Variants in PM20D1 observed in about 807,000 individuals in gnomAD.
The protein encoded by PM20D1 is N-fatty-acyl-amino acid synthase/hydrolase PM20D1.
A neutral mutation model predicts 53.8 loss-of-function variants in PM20D1; 53 were observed. The observed-to-expected ratio is 0.98, with a 90% CI of 0.79 to 1.24. The LOEUF (loss-of-function observed/expected upper bound fraction) is 1.24, where lower values mean the gene tolerates loss of function less well. Ranked by LOEUF, PM20D1 falls within the 50% of genes most tolerant of loss-of-function variation. The pLI, the probability that PM20D1 is intolerant of heterozygous loss-of-function variation, is 0.00. For synonymous variants in PM20D1, 239 were observed against 241.3 expected (o/e 0.99, Z 0.09); for missense variants, 564 against 616.8 (o/e 0.91, Z 0.91).
At chr1:205,846,704 A>C (rs1430946159) in intron 2 of PM20D1, among the ~76,000 whole-genome samples, 2 of 152,206 alleles carry the variant, frequency 1.3e-5, no homozygotes, top group Non-Finnish European at 2.9e-5. Context: ...TTCTGCGTGC[A>C]GGTGTAGATG....
rs551536284 is a variant in PM20D1, at chr1:205,848,609, C to T, written c.170-638G>A. The stretch of plus-strand genomic sequence containing the variant: ...TCCTGAACCTTCACTGGGCTCATCC[C>T]TTTGAGTCTTTAAGACTTTACAGTT... On this transcript the variant is annotated intron_variant, in intron 1 of 12. Transcript: ENST00000367136. Among the ~76,000 whole-genome samples the T allele has an allele frequency of 2.9e-3, 442 of 152,280 alleles. 7 individuals are homozygous for T. Among genetic ancestry groups the T allele is most frequent in the Non-Finnish European group, 1.4e-3 (95 of 68,024 alleles).
At chr1:205,829,604 ACCTAC>A (rs1656514088) in intron 12 of PM20D1, among the ~76,000 whole-genome samples, 1 of 152,222 alleles carries the variant, frequency 6.6e-6, no homozygotes, top group Admixed American at 6.5e-5. Flanking sequence ...GAAACAGAGT[ACCTAC>A]CCATCTCCCA....
chr1:205,843,975 C>T (rs1168838706), intron 5 of PM20D1, 112 bp downstream of exon 5: 9 of 1,487,604 alleles, frequency 6.0e-6, no homozygotes, highest in South Asian at 2.6e-5. Context: ...GCGATTAATG[C>T]GAGAGGTGTA....
intron 10 of PM20D1, 22 bp downstream of exon 10, chr1:205,840,230 G>T: frequency 1.2e-6 from 2 of 1,605,322 alleles, no homozygotes; most frequent in East Asian, 2.2e-5. Flanking sequence ...ATGAGTTGTT[G>T]TCTGGAACAT....
intron 10 of PM20D1, among the ~76,000 whole-genome samples, chr1:205,836,735 T>C (rs1036078175): frequency 6.6e-6 from 1 of 152,184 alleles, no homozygotes; most frequent in African/African-American, 2.4e-5. Flanking sequence ...ACTCCTGGCC[T>C]CAAGCAATCC....
At chr1:205,841,071 T>C (rs946074739) in intron 9 of PM20D1, among the ~76,000 whole-genome samples, 1 of 152,166 alleles carries the variant, frequency 6.6e-6, no homozygotes, top group African/African-American at 2.4e-5. Context: ...ACCAATCAGA[T>C]AAGCCAGTCA....
At chr1:205,830,579 G>A (rs1402429941) in intron 11 of PM20D1, among the ~76,000 whole-genome samples, 200 bp from the exon 12 acceptor site, 2 of 150,930 alleles carry the variant, frequency 1.3e-5, no homozygotes, top group Non-Finnish European at 3.0e-5. Flanking sequence ...AAGGGCATTG[G>A]TGAGACATCC....
Position 205,844,078 on chromosome 1 carries a change from T to C in PM20D1, c.707+9A>G, listed in dbSNP as rs1468572858. ...CCCTCCAAGGTGTGGGGTGGGATGC[T>C]TTACTCACAAGGCGATGGGCTTCTT... On this transcript the variant is annotated intron_variant, in intron 5 of 12. Coordinates refer to ENST00000367136, the MANE Select transcript of PM20D1 (RefSeq NM_152491.5). The C allele has an allele frequency of 6.2e-7, 1 of 1,606,098 alleles. No homozygotes were observed. Among genetic ancestry groups the C allele is most frequent in the African/African-American group, 1.3e-5 (1 of 74,872 alleles).
intron 10 of PM20D1, among the ~76,000 whole-genome samples, chr1:205,834,371 G>C (rs1656635506): frequency 6.6e-6 from 1 of 152,128 alleles, no homozygotes; most frequent in Admixed American, 6.5e-5. Flanking sequence ...GGCTAGGCTA[G>C]TCTTGAAACT....
At chr1:205,842,787 C>A (rs182191889) in intron 6 of PM20D1, 36 bp from the exon 7 acceptor site, 2 of 1,598,570 alleles carry the variant, frequency 1.3e-6, no homozygotes, top group Admixed American at 1.7e-5. Context: ...ACTTAGCGAA[C>A]CCCAGCCAAA....
chr1:205,833,230 A>C (rs1225272844), intron 10 of PM20D1, among the ~76,000 whole-genome samples: 1 of 152,238 alleles, frequency 6.6e-6, no homozygotes, highest in Non-Finnish European at 1.5e-5. Flanking sequence ...TATCCCTTCG[A>C]TGGAAAGTTG....
rs978775642 is a variant in PM20D1, at chr1:205,828,154, A to G, written c.*466T>C. On this transcript the variant is annotated 3_prime_UTR_variant, in exon 13 of 13. Transcript: ENST00000367136. ...GAGAGATGCAGGAGAGAGAGGAGAGATGAAGAGACAGCTCATGAGTCCAAG... is the reference window on the plus strand; with the variant it reads ...GAGAGATGCAGGAGAGAGAGGAGAGGTGAAGAGACAGCTCATGAGTCCAAG... 2 of 157,410 alleles carry G rather than the reference A, an allele frequency of 1.3e-5. No homozygotes were observed. Among genetic ancestry groups the G allele is most frequent in the Non-Finnish European group, 2.8e-5 (2 of 71,514 alleles). The allele number at this position is 157,410 out of a possible 1,614,324, so 9.8% of individuals were successfully genotyped here.
At chr1:205,834,230 A>C (rs1656633161) in intron 10 of PM20D1, among the ~76,000 whole-genome samples, 1 of 146,654 alleles carries the variant, frequency 6.8e-6, no homozygotes, top group Non-Finnish European at 1.5e-5. Flanking sequence ...ATCTCGGCTC[A>C]CTGCGATCTC....
chr1:205,842,227 C>T lies in PM20D1; in HGVS notation c.904-12G>A, dbSNP rs200620305. The stretch of plus-strand genomic sequence containing the variant: ...ACAGGGAAGGGAAACTGGGAAAGAA[C>T]AAGGTCAGCACCACAGGGTCACCTC... On this transcript the variant is annotated splice_polypyrimidine_tract_variant and intron_variant, in intron 7 of 12. Coordinates refer to ENST00000367136, the MANE Select transcript of PM20D1 (RefSeq NM_152491.5). 46 of 1,610,472 alleles carry T rather than the reference C, an allele frequency of 2.9e-5. No homozygotes were observed. The highest frequency in any genetic ancestry group is 1.0e-5 in the Non-Finnish European group (12 of 1,176,782).
rs770472736 is a variant in PM20D1 at position 205,849,985 on chromosome 1, T to G, written c.88A>C (p.Ser30Arg). The part of the protein sequence containing the change: ...PTVSRSMGPR[S>R]GEHQRASRIP... ...CGCGACGCCCTTTGATGCTCCCCGC[T>G]CCTCGGGCCCATCGATCTGGAGACG... The change falls in exon 1 of 13, where the codon AGC becomes CGC. Residue 30 changes from serine (S) to arginine (R), a missense_variant. By Grantham distance (110) the Ser-to-Arg change is moderately radical. Transcript: ENST00000367136. 1.9e-5 allele frequency: 30 copies of G among 1,613,954 alleles called. No individual in the cohort carries two copies. The highest frequency in any genetic ancestry group is 5.0e-5 in the Admixed American group (3 of 59,992).
intron 10 of PM20D1, among the ~76,000 whole-genome samples, chr1:205,838,173 G>A (rs1388222058): frequency 6.6e-6 from 1 of 152,148 alleles, no homozygotes; most frequent in Non-Finnish European, 1.5e-5. Context: ...GATGATCTGT[G>A]GCACAGAACT....
At chr1:205,830,435 A>C in intron 11 of PM20D1, 56 bp from the exon 12 acceptor site, 1 of 1,316,064 alleles carries the variant, frequency 7.6e-7, no homozygotes, top group Non-Finnish European at 1.1e-6. Context: ...AAACCAGCGA[A>C]GTGGCTGGGG....
chr1:205,831,755 G>C (rs1656566505), intron 11 of PM20D1, among the ~76,000 whole-genome samples: 1 of 151,942 alleles, frequency 6.6e-6, no homozygotes, highest in South Asian at 2.1e-4. Context: ...GTAGAGACGA[G>C]GTTTCACCAT....
intron 10 of PM20D1, among the ~76,000 whole-genome samples, chr1:205,839,994 T>C (rs1394740499): frequency 6.7e-6 from 1 of 149,682 alleles, no homozygotes; most frequent in Non-Finnish European, 1.5e-5. Context: ...TACATATATA[T>C]AATGTTATAT....
Sources: allele counts gnomAD v4.1 joint callset (sites outside exome capture counted in the v4.1 genomes callset), GRCh38; gene constraint gnomAD v4.1.1; transcripts MANE v1.5; gene names NCBI Gene and HGNC (gene_info 2026-07-23, HGNC 2026-07-21).